The following CES5A variants were observed in gnomAD, a reference collection of about 807,000 sequenced individuals.
CES5A encodes the protein carboxylesterase 5.
In CES5A, 67 loss-of-function variants were observed where a neutral mutation model predicts 62.9. That is an observed-to-expected ratio of 1.07 (90% CI 0.88 to 1.31). CES5A has a LOEUF of 1.31. Ranked by LOEUF, CES5A falls within the 50% of genes most tolerant of loss-of-function variation. The probability of loss-of-function intolerance (pLI) is 0.00; values close to 1 mark genes in which losing one functional copy is unlikely to be tolerated. For missense variants in CES5A, 748 were observed against 708.5 expected (o/e 1.06, Z -0.63); for synonymous variants, 296 against 280.8 (o/e 1.05, Z -0.54).
intron 10 of CES5A, among the ~76,000 whole-genome samples, chr16:55,850,250 C>A (rs2033103043): frequency 6.6e-6 from 1 of 152,252 alleles, no homozygotes; most frequent in Admixed American, 6.5e-5. Flanking sequence ...CCCCTTGAAC[C>A]ATTTTAAAGT....
In CES5A at chr16:55,922,701, A is replaced by T. The variant is rs528831612; in HGVS notation, c.-256+2622T>A. Reference sequence around the variant, plus strand: ...ACACTACATAATAAGCCTAACTGACATTTATAAAACATTTCACTTAACTGC... The same window carrying T: ...ACACTACATAATAAGCCTAACTGACTTTTATAAAACATTTCACTTAACTGC... On this transcript the variant is annotated intron_variant, in intron 1 of 12. Transcript: ENST00000518005. Among the ~76,000 whole-genome samples the T allele has an allele frequency of 2.6e-5, 4 of 152,102 alleles. No homozygotes were observed. In the South Asian group the frequency reaches 6.2e-4, roughly 24 times the overall value.
intron 2 of CES5A, among the ~76,000 whole-genome samples, chr16:55,931,540 T>C (rs2034311974): frequency 6.6e-6 from 1 of 152,176 alleles, no homozygotes; most frequent in African/African-American, 2.4e-5. Flanking sequence ...GCAACTCATA[T>C]CCCACATTGC....
At position 55,871,523 on chromosome 16, in the gene CES5A, C is replaced by A. The variant is rs146938392; in HGVS notation, c.417+102G>T. On this transcript the variant is annotated intron_variant, in intron 3 of 12. Coordinates refer to ENST00000290567, the MANE Select transcript of CES5A (RefSeq NM_001143685.2). Reference sequence around the variant, plus strand: ...GATGTGATTACATTTCCCTTTTACCCAACAGGGGGTAGTTCCAATTCCAGA... The same window carrying A: ...GATGTGATTACATTTCCCTTTTACCAAACAGGGGGTAGTTCCAATTCCAGA... The A allele has an allele frequency of 1.6e-3, 2,157 of 1,334,182 alleles. 8 individuals carry two copies. Among genetic ancestry groups the A allele is most frequent in the African/African-American group, 0.012 (807 of 68,814 alleles). The allele number at this position is 1,334,182 out of a possible 1,614,324, so 82.6% of individuals were successfully genotyped here.
intron 2 of CES5A, among the ~76,000 whole-genome samples, chr16:55,938,446 C>G (rs2034401326): frequency 6.6e-6 from 1 of 151,876 alleles, no homozygotes; most frequent in Non-Finnish European, 1.5e-5. Context: ...TAGATTCTGA[C>G]TAAGGAACTT....
chr16:55,926,225 G>A (rs1234313292), upstream of CES5A, among the ~76,000 whole-genome samples: 1 of 152,004 alleles, frequency 6.6e-6, no homozygotes, highest in African/African-American at 2.4e-5. Flanking sequence ...ATTAGCACAA[G>A]TACCCCAAAA....
intron 6 of CES5A, among the ~76,000 whole-genome samples, chr16:55,862,501 G>A (rs1343685507): frequency 6.6e-6 from 1 of 152,184 alleles, no homozygotes; most frequent in African/African-American, 2.4e-5. Context: ...AAAATAGTGG[G>A]CACTCAGTGA....
At chr16:55,858,806 G>C (rs2033294898) in intron 8 of CES5A, among the ~76,000 whole-genome samples, 1 of 152,228 alleles carries the variant, frequency 6.6e-6, no homozygotes, top group Non-Finnish European at 1.5e-5. Flanking sequence ...CCAATGAAGA[G>C]AGTCTTCCTA....
At chr16:55,905,804 C>A (rs555053897) in intron 1 of CES5A, among the ~76,000 whole-genome samples, 1 of 152,312 alleles carries the variant, frequency 6.6e-6, no homozygotes, top group African/African-American at 2.4e-5. Flanking sequence ...GACGCAAAGT[C>A]CTCGTGATTA....
At chr16:55,915,365 G>A (rs8047859) in intron 1 of CES5A, among the ~76,000 whole-genome samples, 19,981 of 152,100 alleles carry the variant, frequency 0.13, 1,458 homozygotes, top group Non-Finnish European at 0.16. Context: ...CCAGGGAAGC[G>A]GGAGGAAAAG....
chr16:55,952,951 A>C (rs993599766), intron 1 of CES5A, among the ~76,000 whole-genome samples: 2 of 152,194 alleles, frequency 1.3e-5, no homozygotes, highest in Non-Finnish European at 2.9e-5. Flanking sequence ...GGGCAAGGAA[A>C]ACATGGATGA....
At chr16:55,898,485 C>A (rs183727456) in intron 1 of CES5A, among the ~76,000 whole-genome samples, 4 of 152,120 alleles carry the variant, frequency 2.6e-5, no homozygotes, top group Middle Eastern at 3.4e-3. Flanking sequence ...AAGCAAATAA[C>A]CCCTGAAGAG....
At chr16:55,901,472 A>G (rs2033990068) in intron 1 of CES5A, among the ~76,000 whole-genome samples, 1 of 152,222 alleles carries the variant, frequency 6.6e-6, no homozygotes, top group Non-Finnish European at 1.5e-5. Context: ...GCTTCACACT[A>G]TAAAGTTAAA....
intron 2 of CES5A, among the ~76,000 whole-genome samples, chr16:55,931,674 G>A (rs2034313359): frequency 6.6e-6 from 1 of 152,020 alleles, no homozygotes; most frequent in South Asian, 2.1e-4. Context: ...TGTCCTTTGG[G>A]GCCTGCCTCA....
At chr16:55,875,450 G>A (rs1390396813), upstream of CES5A, 7 of 1,108,986 alleles carry the variant, frequency 6.3e-6, no homozygotes, top group Admixed American at 3.7e-5. Flanking sequence ...TATTGAGCTG[G>A]GGAAAGATAA....
chr16:55,863,221 T>C (rs747744017), intron 6 of CES5A, 127 bp downstream of exon 6: 25 of 678,514 alleles, frequency 3.7e-5, no homozygotes, highest in Non-Finnish European at 6.8e-5. Context: ...AAGGTTCACC[T>C]TGGGCCAGCA....
At chr16:55,909,881 G>A (rs750859232) in intron 1 of CES5A, among the ~76,000 whole-genome samples, 1 of 152,158 alleles carries the variant, frequency 6.6e-6, no homozygotes, top group Non-Finnish European at 1.5e-5. Context: ...TCCCTAAGGA[G>A]CCCCCAGCCC....
chr16:55,930,465 A>G (rs971688171), intron 2 of CES5A, among the ~76,000 whole-genome samples: 4 of 152,200 alleles, frequency 2.6e-5, no homozygotes, highest in African/African-American at 9.7e-5. Context: ...ACAAGGAGTT[A>G]TCATAAGAGA....
chr16:55,921,717 A>G (rs2142460052), intron 1 of CES5A, among the ~76,000 whole-genome samples: 1 of 151,946 alleles, frequency 6.6e-6, no homozygotes, highest in South Asian at 2.1e-4. Flanking sequence ...AAGTATACAA[A>G]CCCAGGATAC....
At chr16:55,918,755 T>C (rs1239283395) in intron 1 of CES5A, among the ~76,000 whole-genome samples, 1 of 152,176 alleles carries the variant, frequency 6.6e-6, no homozygotes, top group African/African-American at 2.4e-5. Flanking sequence ...CTCCATCACA[T>C]TATAATGCTT....
Sources: gnomAD v4.1 joint callset for allele counts (sites outside exome capture counted in the v4.1 genomes callset) on GRCh38, gnomAD v4.1.1 for gene constraint, MANE v1.5 for transcripts, NCBI Gene and HGNC (gene_info 2026-07-23, HGNC 2026-07-21) for gene names.